Variants in TRPM3 observed in about 807,000 individuals in gnomAD.
TRPM3 encodes transient receptor potential cation channel subfamily M member 3.
Under a neutral mutation model 181.2 loss-of-function variants are expected in TRPM3, and 77 were observed. That is an observed-to-expected ratio of 0.42 (90% CI 0.35 to 0.51). TRPM3 has a LOEUF of 0.51. TRPM3 is among the 20% of genes least tolerant of loss of function. TRPM3 has a pLI of 0.01. For missense variants in TRPM3, 1,759 were observed against 2,196.7 expected (o/e 0.80, Z 3.98); for synonymous variants, 745 against 796.4 (o/e 0.94, Z 1.09).
intron 6 of TRPM3, among the ~76,000 whole-genome samples, chr9:70,813,523 G>T (rs1588712202): frequency 1.3e-5 from 2 of 152,226 alleles, no homozygotes; most frequent in South Asian, 4.2e-4. Context: ...CCAAAAGGAG[G>T]CAGGGGCTGA....
intron 1 of TRPM3, among the ~76,000 whole-genome samples, chr9:71,411,025 A>G (rs1028433672): frequency 7.2e-5 from 11 of 152,350 alleles, no homozygotes; most frequent in African/African-American, 2.6e-4. Context: ...CAATAGATGT[A>G]GAAAAGGCCT....
At chr9:71,109,704 T>C (rs910330994) in intron 1 of TRPM3, among the ~76,000 whole-genome samples, 3 of 152,234 alleles carry the variant, frequency 2.0e-5, no homozygotes, top group African/African-American at 7.2e-5. Context: ...ATAATCTAGT[T>C]GGGCCTCAGA....
Position 71,225,592 on chromosome 9 carries a change from A to T in TRPM3, c.183+221061T>A, listed in dbSNP as rs1449064984. Reference sequence around the variant, plus strand: ...ACAAAACACAGAATAGTGTAACTCTATAATTGTGGTGTATAAACTACTCAT... The same window carrying T: ...ACAAAACACAGAATAGTGTAACTCTTTAATTGTGGTGTATAAACTACTCAT... On this transcript the variant is annotated intron_variant, in intron 1 of 24. Transcript: ENST00000357533. 4.6e-5 allele frequency among the ~76,000 whole-genome samples: 7 copies of T among 152,208 alleles called. No homozygotes were observed. The East Asian group carries it at 9.6e-4, about 21-fold the overall frequency.
intron 18 of TRPM3, among the ~76,000 whole-genome samples, chr9:70,611,022 T>C (rs1189370198): frequency 6.6e-6 from 1 of 152,204 alleles, no homozygotes; most frequent in Non-Finnish European, 1.5e-5. Context: ...TTATAGATGA[T>C]ACCCAGAGTC....
In TRPM3 at chr9:70,531,766, C is replaced by CAT. The variant is rs1282136813; in HGVS notation, c.*4185_*4186dup. The CAT allele has an allele frequency of 8.5e-5, 13 of 152,258 alleles. No homozygotes were observed. Among genetic ancestry groups the CAT allele is most frequent in the Non-Finnish European group, 5.9e-5 (4 of 68,018 alleles). The allele number at this position is 152,258 out of a possible 1,614,324, so 9.4% of individuals were successfully genotyped here. ...ATTTGTCATATAGTCTTTTGCATAA[C>CAT]ATGCCAGTTCATCTTTCACAAAATC... is the stretch of plus-strand genomic sequence containing the variant. On this transcript the variant is annotated 3_prime_UTR_variant, in exon 26 of 26. Transcript: ENST00000677713.
intron 1 of TRPM3, among the ~76,000 whole-genome samples, chr9:71,280,176 A>G (rs936506939): frequency 2.0e-5 from 3 of 152,030 alleles, no homozygotes; most frequent in African/African-American, 7.2e-5. Flanking sequence ...CCAACATGGT[A>G]GTTTCAACTA....
intron 1 of TRPM3, among the ~76,000 whole-genome samples, chr9:71,212,631 C>T (rs187751115): frequency 9.2e-5 from 14 of 152,228 alleles, no homozygotes; most frequent in Admixed American, 6.5e-4. Flanking sequence ...ACTAGCATTC[C>T]CCATAAATGC....
chr9:71,249,483 A>C (rs559692323), intron 1 of TRPM3, among the ~76,000 whole-genome samples: 1 of 152,342 alleles, frequency 6.6e-6, no homozygotes, highest in Non-Finnish European at 1.5e-5. Context: ...GTTCAGCAGC[A>C]TAACACTACT....
chr9:70,582,411 T>C (rs1002658221), intron 22 of TRPM3, among the ~76,000 whole-genome samples: 60 of 152,346 alleles, frequency 3.9e-4, no homozygotes, highest in Non-Finnish European at 7.3e-4. Flanking sequence ...ATCCTCTGCT[T>C]CAAGGAGTTT....
At chr9:70,694,325 C>A (rs1042273853) in intron 8 of TRPM3, among the ~76,000 whole-genome samples, 2 of 152,092 alleles carry the variant, frequency 1.3e-5, no homozygotes, top group Non-Finnish European at 2.9e-5. Context: ...GACTGGAGAT[C>A]TTTTAAGCTC....
chr9:71,086,071 A>G (rs948549772), intron 1 of TRPM3, among the ~76,000 whole-genome samples: 14 of 152,050 alleles, frequency 9.2e-5, no homozygotes, highest in African/African-American at 3.1e-4. Flanking sequence ...GCTACAGGCC[A>G]TTATCCTAAG....
At chr9:71,381,465 T>C (rs1433246726) in intron 1 of TRPM3, among the ~76,000 whole-genome samples, 5 of 152,148 alleles carry the variant, frequency 3.3e-5, no homozygotes, top group Non-Finnish European at 5.9e-5. Context: ...CATTTCATAC[T>C]TTCAAATAGT....
intron 1 of TRPM3, among the ~76,000 whole-genome samples, chr9:71,208,171 T>C (rs984620102): frequency 6.6e-6 from 1 of 152,114 alleles, no homozygotes; most frequent in Non-Finnish European, 1.5e-5. Flanking sequence ...GACAGAACAC[T>C]GTTTACCTAT....
intron 1 of TRPM3, among the ~76,000 whole-genome samples, chr9:71,413,492 T>C (rs2131471840): frequency 6.6e-6 from 1 of 152,206 alleles, no homozygotes; most frequent in South Asian, 2.1e-4. Flanking sequence ...CGCCCAAAAC[T>C]ATACCTTTAA....
chr9:70,698,449 G>A (rs767696088), intron 8 of TRPM3, among the ~76,000 whole-genome samples: 1 of 152,104 alleles, frequency 6.6e-6, no homozygotes, highest in East Asian at 1.9e-4. Context: ...ATTGTTTTCT[G>A]TTGAAAGTTA....
In TRPM3 at chr9:70,843,014, T is replaced by G. The variant is rs750844710; in HGVS notation, c.790A>C (p.Ile264Leu). ...CACTCAGGACTTACATCTCTTCCAA[T>G]GAGGTCCTCCTGGTTTTCCACAATT... ...WGIVENQEDL[I>L]GRDVVRPYQT... Residue 264 changes from isoleucine to leucine, a missense_variant, in exon 5 of 26, where the codon ATT becomes CTT. Ile to Leu is a conservative substitution (Grantham distance 5). Transcript: ENST00000677713. The G allele has an allele frequency of 6.8e-6, 11 of 1,613,814 alleles. No individual in the cohort carries two copies. The highest frequency in any genetic ancestry group is 9.3e-6 in the Non-Finnish European group (11 of 1,179,860).
chr9:71,097,824 G>A (rs2067587070), intron 1 of TRPM3, among the ~76,000 whole-genome samples: 2 of 152,202 alleles, frequency 1.3e-5, no homozygotes, highest in African/African-American at 2.4e-5. Flanking sequence ...CAAACCAATA[G>A]ATGTTGGGGC....
At chr9:71,192,600 T>C (rs2078101437) in intron 1 of TRPM3, among the ~76,000 whole-genome samples, 1 of 151,908 alleles carries the variant, frequency 6.6e-6, no homozygotes, top group Non-Finnish European at 1.5e-5. Flanking sequence ...CATTTTTTAA[T>C]TGAGTTATTT....
intron 1 of TRPM3, among the ~76,000 whole-genome samples, chr9:71,180,864 T>G (rs1211330657): frequency 6.6e-6 from 1 of 152,102 alleles, no homozygotes; most frequent in African/African-American, 2.4e-5. Context: ...GCTCCTCACC[T>G]CCCCTCAAAA....
Sources: allele counts gnomAD v4.1 joint callset (sites outside exome capture counted in the v4.1 genomes callset), GRCh38; gene constraint gnomAD v4.1.1; transcripts MANE v1.5; gene names NCBI Gene and HGNC (gene_info 2026-07-23, HGNC 2026-07-21).